The following MAGI2 variants were observed in gnomAD, a reference collection of about 807,000 sequenced individuals.
The protein encoded by MAGI2 is membrane-associated guanylate kinase, WW and PDZ domain-containing protein 2.
In MAGI2, 35 loss-of-function variants were observed where a neutral mutation model predicts 133.3. That is an observed-to-expected ratio of 0.26 (90% CI 0.20 to 0.35). The LOEUF is 0.35. Ranked by LOEUF, MAGI2 falls within the 10% of genes least tolerant of loss-of-function variation. MAGI2 has a pLI of 1.00. For synonymous variants in MAGI2, 729 were observed against 710.6 expected (o/e 1.03, Z -0.41); for missense variants, 1,636 against 1,863.4 (o/e 0.88, Z 2.25).
chr7:78,281,628 C>A (rs1032240184), intron 9 of MAGI2, among the ~76,000 whole-genome samples: 3 of 152,122 alleles, frequency 2.0e-5, no homozygotes, highest in Non-Finnish European at 4.4e-5. Flanking sequence ...TGGACTAATA[C>A]ACATACATAC....
intron 2 of MAGI2, among the ~76,000 whole-genome samples, chr7:78,697,876 T>G (rs1237211350): frequency 6.6e-6 from 1 of 152,182 alleles, no homozygotes; most frequent in Non-Finnish European, 1.5e-5. Context: ...TATACTATAG[T>G]TATTTTCTTC....
chr7:79,373,708 T>C (rs1843200210), intron 1 of MAGI2, among the ~76,000 whole-genome samples: 1 of 151,970 alleles, frequency 6.6e-6, no homozygotes, highest in African/African-American at 2.4e-5. Flanking sequence ...GTGACAACTT[T>C]TAAAATTTTA....
chr7:78,929,352 C>G (rs191432034), intron 2 of MAGI2, among the ~76,000 whole-genome samples: 1 of 152,160 alleles, frequency 6.6e-6, no homozygotes, highest in East Asian at 1.9e-4. Flanking sequence ...TCTCAACTTA[C>G]TATAAAAAGG....
intron 2 of MAGI2, among the ~76,000 whole-genome samples, chr7:78,695,787 G>T (rs920356096): frequency 2.0e-5 from 3 of 152,162 alleles, no homozygotes; most frequent in African/African-American, 7.2e-5. Flanking sequence ...CAATTTTTTA[G>T]AGCTAAGAAG....
rs1397901557 is a variant in MAGI2 at position 78,898,213 on chromosome 7, G to A, written c.418+108877C>T. Among the ~76,000 whole-genome samples the A allele has an allele frequency of 5.5e-5, 7 of 127,388 alleles. No individual in the cohort carries two copies. In the Admixed American group the frequency reaches 5.9e-4, roughly 11 times the overall value. The allele number at this position is 127,388 out of a possible 152,430, so 83.6% of individuals were successfully genotyped here. On this transcript the variant is annotated intron_variant, in intron 2 of 21. Coordinates refer to ENST00000354212, the MANE Select transcript of MAGI2 (RefSeq NM_012301.4). ...TGCTGGTGAGGTGGCAGGAGAAAAGGAACTCTTATATACACTGTTTGCAGG... is the reference window on the plus strand; with the variant it reads ...TGCTGGTGAGGTGGCAGGAGAAAAGAAACTCTTATATACACTGTTTGCAGG...
At chr7:79,068,524 C>T (rs538238900) in intron 1 of MAGI2, among the ~76,000 whole-genome samples, 97 of 151,970 alleles carry the variant, frequency 6.4e-4, no homozygotes, top group African/African-American at 2.1e-3. Context: ...TTTTGTTGAT[C>T]TTTTCAAAAA....
intron 2 of MAGI2, among the ~76,000 whole-genome samples, chr7:78,881,087 C>G (rs899815166): frequency 6.6e-6 from 1 of 152,126 alleles, no homozygotes; most frequent in Admixed American, 6.5e-5. Context: ...ACTTCTAGAC[C>G]TACAAGAAGA....
chr7:79,061,436 G>A (rs370458940), intron 1 of MAGI2, among the ~76,000 whole-genome samples: 1 of 151,900 alleles, frequency 6.6e-6, no homozygotes, highest in Non-Finnish European at 1.5e-5. Context: ...GAGATATTTA[G>A]AGGCATATTT....
intron 10 of MAGI2, among the ~76,000 whole-genome samples, chr7:78,238,122 T>C (rs1790744665): frequency 6.6e-6 from 1 of 152,158 alleles, no homozygotes; most frequent in Admixed American, 6.6e-5. Context: ...GGCCTTTTGC[T>C]GGTCACTCTT....
chr7:79,366,752 A>G (rs187802670), intron 1 of MAGI2, among the ~76,000 whole-genome samples: 2 of 152,310 alleles, frequency 1.3e-5, no homozygotes, highest in Admixed American at 1.3e-4. Context: ...TCAATTAAAA[A>G]ATCCTATTAA....
At chr7:79,355,898 T>C (rs1180667308) in intron 1 of MAGI2, among the ~76,000 whole-genome samples, 1 of 152,196 alleles carries the variant, frequency 6.6e-6, no homozygotes, top group Non-Finnish European at 1.5e-5. Context: ...GAGAGATTAA[T>C]ATTTTCTGCC....
At chr7:79,179,562 T>C (rs974375764) in intron 1 of MAGI2, among the ~76,000 whole-genome samples, 10 of 151,992 alleles carry the variant, frequency 6.6e-5, no homozygotes, top group South Asian at 2.1e-4. Flanking sequence ...GCATGGTATT[T>C]CTATAAAAAT....
chr7:79,131,891 G>T (rs931404577), intron 1 of MAGI2, among the ~76,000 whole-genome samples: 3 of 151,978 alleles, frequency 2.0e-5, no homozygotes, highest in Non-Finnish European at 4.4e-5. Context: ...TAAAAAAATT[G>T]ATTACAGGTC....
chr7:78,653,419 T>C (rs564053841), intron 2 of MAGI2, among the ~76,000 whole-genome samples: 6 of 152,114 alleles, frequency 3.9e-5, no homozygotes, highest in African/African-American at 1.4e-4. Context: ...ATAAAGAAAA[T>C]GTGGCACATA....
At chr7:78,243,457 TTTATC>T (rs1791409635) in intron 10 of MAGI2, among the ~76,000 whole-genome samples, 1 of 152,228 alleles carries the variant, frequency 6.6e-6, no homozygotes, top group South Asian at 2.1e-4. Flanking sequence ...CTTTTAATGT[TTTATC>T]TGTGCAGTTT....
intron 21 of MAGI2, among the ~76,000 whole-genome samples, chr7:78,061,743 G>A (rs1216708107): frequency 1.3e-5 from 2 of 152,170 alleles, no homozygotes; most frequent in Non-Finnish European, 2.9e-5. Context: ...AAAGGGTGGG[G>A]AGGGCTGTTA....
chr7:78,798,836 T>A (rs1020250442), intron 2 of MAGI2, among the ~76,000 whole-genome samples: 2 of 152,178 alleles, frequency 1.3e-5, no homozygotes, highest in Non-Finnish European at 2.9e-5. Context: ...AAATCTAATA[T>A]ACAGTTTGTA....
At chr7:79,089,392 G>T (rs1316428528) in intron 1 of MAGI2, among the ~76,000 whole-genome samples, 1 of 152,106 alleles carries the variant, frequency 6.6e-6, no homozygotes, top group Non-Finnish European at 1.5e-5. Context: ...GGAAGACAGT[G>T]TGGTGATTCC....
chr7:79,155,416 G>T (rs957690387), intron 1 of MAGI2, among the ~76,000 whole-genome samples: 1 of 152,030 alleles, frequency 6.6e-6, no homozygotes, highest in Non-Finnish European at 1.5e-5. Flanking sequence ...TAGTGGGGAG[G>T]GGGGCCATGG....
Sources: gnomAD v4.1 joint callset for allele counts (sites outside exome capture counted in the v4.1 genomes callset) on GRCh38, gnomAD v4.1.1 for gene constraint, MANE v1.5 for transcripts, NCBI Gene and HGNC (gene_info 2026-07-23, HGNC 2026-07-21) for gene names.